LIN7A: variants seen among roughly 807,000 people sequenced by gnomAD.
LIN7A encodes lin-7 cell polarity scaffold A, also known as protein lin-7 homolog A.
A neutral mutation model predicts 29.8 loss-of-function variants in LIN7A; 25 were observed. The ratio of observed to expected loss-of-function variants is 0.84; its 90% CI spans 0.61 to 1.17. LIN7A has a LOEUF of 1.17. LIN7A is among the 50% of genes most tolerant of loss of function. LIN7A has a pLI of 0.00. For missense variants in LIN7A, 239 were observed against 287.0 expected (o/e 0.83, Z 1.21); for synonymous variants, 118 against 107.5 (o/e 1.10, Z -0.60).
intron 1 of LIN7A, among the ~76,000 whole-genome samples, chr12:80,909,688 G>T (rs1876657601): frequency 6.6e-6 from 1 of 151,942 alleles, no homozygotes; most frequent in African/African-American, 2.4e-5. Context: ...ATCCCCAAAG[G>T]CCCCACCTCC....
chr12:80,807,067 T>TTTTTTGTTTTTTTTTTG (rs1555221329), intron 5 of LIN7A, among the ~76,000 whole-genome samples: 1 of 69,548 alleles, frequency 1.4e-5, no homozygotes, highest in Non-Finnish European at 3.0e-5. Context: ...GATGGAGTTT[T>TTTTTTGTTTTTTTTTTG]TTTTTTTTTT....
At chr12:80,874,976 G>A (rs1874614274) in intron 2 of LIN7A, among the ~76,000 whole-genome samples, 1 of 152,140 alleles carries the variant, frequency 6.6e-6, no homozygotes, top group Non-Finnish European at 1.5e-5. Context: ...ACTCCATCCT[G>A]GGTGACAGAG....
At chr12:80,868,554 G>A (rs1475341404) in intron 2 of LIN7A, among the ~76,000 whole-genome samples, 1 of 152,122 alleles carries the variant, frequency 6.6e-6, no homozygotes, top group East Asian at 1.9e-4. Flanking sequence ...GGCAACAAGA[G>A]CAAAACTCTG....
intron 4 of LIN7A, chr12:80,842,160 G>A: frequency 1.6e-6 from 2 of 1,269,598 alleles, no homozygotes; most frequent in South Asian, 2.6e-5. Context: ...TTCAATTGCT[G>A]TATTTTGTCT....
chr12:80,923,441 T>C (rs1021245864), intron 1 of LIN7A, among the ~76,000 whole-genome samples: 3 of 152,176 alleles, frequency 2.0e-5, no homozygotes, highest in African/African-American at 7.2e-5. Context: ...TGTCTATGGG[T>C]ATTTTTGCCT....
chr12:80,833,316 T>C (rs1283561574), intron 4 of LIN7A, among the ~76,000 whole-genome samples: 4 of 152,138 alleles, frequency 2.6e-5, no homozygotes. Flanking sequence ...AACTCCCTAT[T>C]CTTCACCTTG....
chr12:80,801,220 T>C (rs1870705746), intron 5 of LIN7A, among the ~76,000 whole-genome samples: 2 of 152,158 alleles, frequency 1.3e-5, no homozygotes, highest in Non-Finnish European at 2.9e-5. Context: ...AATGAAAAAG[T>C]GTCACTTTCA....
At chr12:80,828,125 A>G (rs1389689186) in intron 4 of LIN7A, among the ~76,000 whole-genome samples, 1 of 152,232 alleles carries the variant, frequency 6.6e-6, no homozygotes, top group Non-Finnish European at 1.5e-5. Flanking sequence ...TATCTTCATA[A>G]AACATAGAAG....
chr12:80,820,249 A>C (rs758131518), intron 4 of LIN7A, among the ~76,000 whole-genome samples: 7 of 152,196 alleles, frequency 4.6e-5, no homozygotes, highest in Non-Finnish European at 1.0e-4. Flanking sequence ...AAATAACTAA[A>C]CACCACAAAA....
At chr12:80,842,032 G>A (rs1245070451) in intron 4 of LIN7A, 1 of 1,282,458 alleles carries the variant, frequency 7.8e-7, no homozygotes, top group Admixed American at 2.4e-5. Flanking sequence ...ACATTCCCAT[G>A]GGAAATTTCT....
intron 4 of LIN7A, among the ~76,000 whole-genome samples, chr12:80,823,389 C>A (rs1252981293): frequency 2.0e-5 from 3 of 152,222 alleles, no homozygotes; most frequent in Non-Finnish European, 4.4e-5. Context: ...GGCACCACTG[C>A]AGTCCCTGGT....
chr12:80,803,240 C>T (rs770824050), intron 5 of LIN7A, among the ~76,000 whole-genome samples: 3 of 152,102 alleles, frequency 2.0e-5, no homozygotes, highest in Non-Finnish European at 4.4e-5. Flanking sequence ...CTTTCATTTT[C>T]GTCTAGTAGT....
intron 1 of LIN7A, among the ~76,000 whole-genome samples, chr12:80,919,794 C>T (rs1278581228): frequency 1.3e-5 from 2 of 152,166 alleles, no homozygotes; most frequent in African/African-American, 4.8e-5. Context: ...CAAAGAAAGG[C>T]AGGATCCTGA....
At chr12:80,863,217 T>C (rs1873962653) in intron 2 of LIN7A, among the ~76,000 whole-genome samples, 1 of 152,242 alleles carries the variant, frequency 6.6e-6, no homozygotes, top group African/African-American at 2.4e-5. Context: ...ATTAGAGTTC[T>C]ATTTCAAGTT....
At chr12:80,880,135 T>C (rs1326784206) in intron 2 of LIN7A, among the ~76,000 whole-genome samples, 1 of 152,234 alleles carries the variant, frequency 6.6e-6, no homozygotes, top group African/African-American at 2.4e-5. Context: ...AAAGTCTTTC[T>C]TTCAGCACTT....
At chr12:80,848,877 C>T (rs1308085043) in intron 2 of LIN7A, among the ~76,000 whole-genome samples, 3 of 151,914 alleles carry the variant, frequency 2.0e-5, no homozygotes, top group African/African-American at 7.2e-5. Flanking sequence ...TTTTTTTCTT[C>T]CTTTATATTA....
intron 2 of LIN7A, among the ~76,000 whole-genome samples, chr12:80,868,104 C>T (rs143173899): frequency 1.2e-3 from 185 of 152,314 alleles, no homozygotes; most frequent in African/African-American, 4.3e-3. Context: ...CTTGACTGCA[C>T]CTTGGTAGCA....
intron 1 of LIN7A, among the ~76,000 whole-genome samples, chr12:80,925,281 T>A (rs1364684295): frequency 6.6e-6 from 1 of 152,198 alleles, no homozygotes; most frequent in Non-Finnish European, 1.5e-5. Flanking sequence ...GTATGTGATT[T>A]GGGGCAAGAG....
At chr12:80,877,523 T>C (rs1038978809) in intron 2 of LIN7A, among the ~76,000 whole-genome samples, 91 of 152,054 alleles carry the variant, frequency 6.0e-4, no homozygotes, top group African/African-American at 2.1e-3. Context: ...TCAGACTATA[T>C]ACAAATAAAG....
Sources: allele counts gnomAD v4.1 joint callset (sites outside exome capture counted in the v4.1 genomes callset), GRCh38; gene constraint gnomAD v4.1.1; transcripts MANE v1.5; gene names NCBI Gene and HGNC (gene_info 2026-07-23, HGNC 2026-07-21).